Variants in AGBL4 observed in about 807,000 individuals in gnomAD.
AGBL4 encodes cytosolic carboxypeptidase 6.
AGBL4 carries 58 observed loss-of-function variants against 66.4 expected under a neutral mutation model. The ratio of observed to expected loss-of-function variants is 0.87; its 90% CI spans 0.71 to 1.09. The LOEUF (loss-of-function observed/expected upper bound fraction) is 1.09, where lower values mean the gene tolerates loss of function less well. Ranked by LOEUF, AGBL4 falls within the 50% of genes least tolerant of loss-of-function variation. The probability of loss-of-function intolerance (pLI) is 0.00; values close to 1 mark genes in which losing one functional copy is unlikely to be tolerated. For synonymous variants in AGBL4, 234 were observed against 222.9 expected (o/e 1.05, Z -0.44); for missense variants, 579 against 631.0 (o/e 0.92, Z 0.88).
At chr1:49,948,442 T>TATAAATATAG (rs1655701208) in intron 1 of AGBL4, among the ~76,000 whole-genome samples, 1 of 113,694 alleles carries the variant, frequency 8.8e-6, no homozygotes, top group African/African-American at 3.5e-5. Flanking sequence ...TATAAATATA[T>TATAAATATAG]ATAAATATAT....
At chr1:49,557,026 T>C (rs1424114053) in intron 3 of AGBL4, among the ~76,000 whole-genome samples, 1 of 152,000 alleles carries the variant, frequency 6.6e-6, no homozygotes, top group Non-Finnish European at 1.5e-5. Flanking sequence ...CAGCCCTCGC[T>C]CACTCGGAAC....
chr1:49,823,633 G>C (rs1442789242), intron 2 of AGBL4, among the ~76,000 whole-genome samples: 1 of 152,126 alleles, frequency 6.6e-6, no homozygotes, highest in Admixed American at 6.5e-5. Context: ...GTGAATTGAG[G>C]AGAGATTTTG....
intron 6 of AGBL4, among the ~76,000 whole-genome samples, chr1:48,770,403 C>T (rs928726331): frequency 2.6e-5 from 4 of 152,154 alleles, no homozygotes; most frequent in African/African-American, 9.7e-5. Context: ...GCTGGTTATC[C>T]CCTGATTCTA....
intron 5 of AGBL4, among the ~76,000 whole-genome samples, chr1:49,018,386 G>A (rs1208755436): frequency 6.6e-6 from 1 of 152,122 alleles, no homozygotes; most frequent in Admixed American, 6.5e-5. Flanking sequence ...AGGTCAGTCT[G>A]AACCTAAACC....
At chr1:49,713,977 T>G (rs1647877981) in intron 2 of AGBL4, among the ~76,000 whole-genome samples, 1 of 152,022 alleles carries the variant, frequency 6.6e-6, no homozygotes. Context: ...GTTTTTACCA[T>G]ATGCCAAACA....
intron 5 of AGBL4, among the ~76,000 whole-genome samples, chr1:49,028,715 G>T (rs1178420816): frequency 1.3e-5 from 2 of 152,062 alleles, no homozygotes; most frequent in African/African-American, 2.4e-5. Context: ...ATTCCATCAG[G>T]CCAGGACTAC....
rs1649141968 is a variant in AGBL4, at chr1:48,736,875, T to G, written c.635-73634A>C. Among the ~76,000 whole-genome samples the G allele has an allele frequency of 6.6e-6, 1 of 152,238 alleles. No homozygotes were observed. Among genetic ancestry groups the G allele is most frequent in the Non-Finnish European group, 1.5e-5 (1 of 68,034 alleles). The stretch of plus-strand genomic sequence containing the variant: ...ACCCATGCTTAACTTCTTTCTGTGT[T>G]ACACTATGGAAAGACCCACCTTCCT... On this transcript the variant is annotated intron_variant, in intron 6 of 13. Transcript: ENST00000371839. The surrounding 1 kb of genome is among the most constrained non-coding windows in gnomAD (Gnocchi z 4.0).
intron 2 of AGBL4, among the ~76,000 whole-genome samples, chr1:49,745,041 G>A (rs1393490297): frequency 1.3e-5 from 2 of 151,852 alleles, no homozygotes; most frequent in Non-Finnish European, 2.9e-5. Flanking sequence ...ATAAAATGAC[G>A]AGATATAAAT....
downstream of AGBL4, among the ~76,000 whole-genome samples, chr1:48,530,273 C>G (rs1443485015): frequency 6.6e-6 from 1 of 152,160 alleles, no homozygotes; most frequent in African/African-American, 2.4e-5. Flanking sequence ...CCTGATAGGA[C>G]TGTTGGGAAC....
chr1:48,539,592 C>T (rs371719847), intron 12 of AGBL4, 50 bp downstream of exon 12: 249 of 1,395,360 alleles, frequency 1.8e-4, no homozygotes, highest in Non-Finnish European at 2.2e-4. Context: ...CCCCTGAATA[C>T]AGCCCGTGGA....
Position 49,175,549 on chromosome 1 carries a change from G to A in AGBL4, c.377+70221C>T, listed in dbSNP as rs182991041. 4.6e-5 allele frequency among the ~76,000 whole-genome samples: 7 copies of A among 152,190 alleles called. No individual in the cohort carries two copies. The East Asian group carries it at 7.7e-4, about 17-fold the overall frequency. Reference sequence around the variant, plus strand: ...ATCAACATTCATTAAAACATTGAATGTGACATTATCAAATGACAGGAGTAG... The same window carrying A: ...ATCAACATTCATTAAAACATTGAATATGACATTATCAAATGACAGGAGTAG... On this transcript the variant is annotated intron_variant, in intron 4 of 13. Transcript: ENST00000371839.
At chr1:49,201,566 G>A (rs1212587902) in intron 4 of AGBL4, among the ~76,000 whole-genome samples, 1 of 152,088 alleles carries the variant, frequency 6.6e-6, no homozygotes, top group East Asian at 1.9e-4. Context: ...GTACTGAAGT[G>A]CAAAAACATC....
intron 4 of AGBL4, among the ~76,000 whole-genome samples, chr1:49,108,555 T>A (rs1645342799): frequency 6.6e-6 from 1 of 152,160 alleles, no homozygotes; most frequent in Non-Finnish European, 1.5e-5. Context: ...CTGCAAGTAA[T>A]GGTTCTGGAA....
At chr1:49,665,519 C>T (rs1035876645) in intron 3 of AGBL4, among the ~76,000 whole-genome samples, 6 of 152,056 alleles carry the variant, frequency 3.9e-5, no homozygotes, top group African/African-American at 1.4e-4. Context: ...CAATGTGTGG[C>T]ATATGGTAAG....
intron 8 of AGBL4, among the ~76,000 whole-genome samples, chr1:48,641,214 C>G (rs1203408354): frequency 6.6e-6 from 1 of 152,180 alleles, no homozygotes; most frequent in Non-Finnish European, 1.5e-5. Context: ...TGCCCTTGGC[C>G]TGAGGCACCT....
At chr1:48,656,847 T>C (rs1472013212) in intron 7 of AGBL4, among the ~76,000 whole-genome samples, 1 of 152,160 alleles carries the variant, frequency 6.6e-6, no homozygotes, top group Non-Finnish European at 1.5e-5. Context: ...AGGCAAGGGC[T>C]GAAAAGCTAC....
At chr1:48,974,694 T>C (rs1659178104) in intron 5 of AGBL4, among the ~76,000 whole-genome samples, 1 of 152,174 alleles carries the variant, frequency 6.6e-6, no homozygotes, top group African/African-American at 2.4e-5. Flanking sequence ...TCTTGGAGAA[T>C]GACTATAAAA....
At chr1:49,618,442 C>A (rs975718008) in intron 3 of AGBL4, among the ~76,000 whole-genome samples, 1 of 132,258 alleles carries the variant, frequency 7.6e-6, no homozygotes, top group Non-Finnish European at 1.8e-5. Flanking sequence ...CCTAAATAGA[C>A]CAATAACAAA....
At chr1:49,451,939 A>T (rs1646285985) in intron 3 of AGBL4, among the ~76,000 whole-genome samples, 1 of 152,004 alleles carries the variant, frequency 6.6e-6, no homozygotes, top group South Asian at 2.1e-4. Context: ...AGTGCAAAAA[A>T]GTATTGAGAT....
Sources: allele counts gnomAD v4.1 joint callset (sites outside exome capture counted in the v4.1 genomes callset), GRCh38; gene constraint gnomAD v4.1.1; non-coding constraint Gnocchi (gnomAD v3.1); transcripts MANE v1.5; gene names NCBI Gene and HGNC (gene_info 2026-07-23, HGNC 2026-07-21).